LSM3: variants seen among roughly 807,000 people sequenced by gnomAD.
The protein encoded by LSM3 is U6 snRNA-associated Sm-like protein LSm3.
In LSM3, 14 loss-of-function variants were observed where a neutral mutation model predicts 15.4. The ratio of observed to expected loss-of-function variants is 0.91; its 90% CI spans 0.60 to 1.42. The LOEUF is 1.42. Ranked by LOEUF, LSM3 falls within the 40% of genes most tolerant of loss-of-function variation. The pLI is 0.00. For missense variants in LSM3, 88 were observed against 127.9 expected (o/e 0.69, Z 1.50); for synonymous variants, 46 against 45.1 (o/e 1.02, Z -0.08).
At chr3:14,180,857 T>TAAA (rs34127386) in intron 1 of LSM3, among the ~76,000 whole-genome samples, 1 of 64,832 alleles carries the variant, frequency 1.5e-5, no homozygotes, top group Non-Finnish European at 2.9e-5. Context: ...TTTTTTTTTT[T>TAAA]AAAAAAAAAA....
At chr3:14,183,342 A>G (rs1333364817) in intron 2 of LSM3, among the ~76,000 whole-genome samples, 2 of 152,220 alleles carry the variant, frequency 1.3e-5, no homozygotes, top group Non-Finnish European at 2.9e-5. Context: ...TGGATTGAAT[A>G]TCTTAGCTGT....
At chr3:14,179,649 C>T (rs539303117) in intron 1 of LSM3, among the ~76,000 whole-genome samples, 2 of 152,330 alleles carry the variant, frequency 1.3e-5, no homozygotes, top group South Asian at 2.1e-4. Flanking sequence ...AATCTCTCCC[C>T]ACTAGAATGT....
chr3:14,195,353 A>G (rs1046419355), intron 3 of LSM3, among the ~76,000 whole-genome samples: 3 of 152,098 alleles, frequency 2.0e-5, no homozygotes, highest in African/African-American at 7.2e-5. Flanking sequence ...CCCAGGAAGG[A>G]AGAAGGAATT....
At chr3:14,196,750 G>C (rs1168128646) in intron 3 of LSM3, among the ~76,000 whole-genome samples, 1 of 152,228 alleles carries the variant, frequency 6.6e-6, no homozygotes, top group Non-Finnish European at 1.5e-5. Context: ...GGGGTCCGCA[G>C]AGCTTTCAGG....
At chr3:14,181,529 A>G in intron 1 of LSM3, 31 bp from the exon 2 acceptor site, 1 of 1,371,260 alleles carries the variant, frequency 7.3e-7, no homozygotes, top group Admixed American at 1.7e-5. Flanking sequence ...TGACTCTAGT[A>G]CTACATTACT....
At chr3:14,183,548 G>T (rs1697059535) in intron 2 of LSM3, among the ~76,000 whole-genome samples, 2 of 152,182 alleles carry the variant, frequency 1.3e-5, no homozygotes. Context: ...TTGTCAGATT[G>T]TTATAGGTGA....
intron 3 of LSM3, among the ~76,000 whole-genome samples, chr3:14,186,879 T>A (rs1319205030): frequency 2.0e-5 from 3 of 152,222 alleles, no homozygotes; most frequent in Non-Finnish European, 2.9e-5. Context: ...CTTTTTCAGC[T>A]CAACTAAGCT....
intron 1 of LSM3, among the ~76,000 whole-genome samples, chr3:14,180,673 C>T (rs1697026239): frequency 6.6e-6 from 1 of 151,892 alleles, no homozygotes; most frequent in Non-Finnish European, 1.5e-5. Context: ...CTCATAAGAA[C>T]CCAGAAAGAA....
chr3:14,183,029 T>C (rs1037513278), intron 2 of LSM3, among the ~76,000 whole-genome samples: 3 of 152,254 alleles, frequency 2.0e-5, no homozygotes, highest in Non-Finnish European at 4.4e-5. Flanking sequence ...ACTTTGGGAA[T>C]ACAAATGGAA....
In LSM3 at chr3:14,185,212, C is replaced by T. The variant is rs7643230; in HGVS notation, c.228+1180C>T. 2.0e-3 allele frequency among the ~76,000 whole-genome samples: 300 copies of T among 148,332 alleles called. 1 individual carries two copies. Among genetic ancestry groups the T allele is most frequent in the African/African-American group, 7.0e-3 (281 of 40,120 alleles). On this transcript the variant is annotated intron_variant, in intron 3 of 3. Transcript: ENST00000306024. ...CTAAAAATACAAAATATTAGCCGGC[C>T]GTGGCGGCAGGCACTGGCAATCCCA...
intron 3 of LSM3, among the ~76,000 whole-genome samples, chr3:14,191,749 A>T (rs968714379): frequency 1.3e-4 from 20 of 151,300 alleles, no homozygotes; most frequent in Non-Finnish European, 2.2e-4. Context: ...TTCATTGATT[A>T]TTTTTTTAGG....
intron 3 of LSM3, among the ~76,000 whole-genome samples, chr3:14,194,674 A>G (rs941741468): frequency 5.3e-5 from 8 of 151,356 alleles, no homozygotes; most frequent in African/African-American, 9.7e-5. Context: ...CTTGTCACCT[A>G]TCAGACACAC....
chr3:14,181,716 C>A, intron 2 of LSM3, 46 bp downstream of exon 2: 1 of 1,333,786 alleles, frequency 7.5e-7, no homozygotes, highest in Non-Finnish European at 1.1e-6. Flanking sequence ...TCCTTCCTAC[C>A]CCCACTCCCT....
chr3:14,194,426 G>A (rs757610194), intron 3 of LSM3, among the ~76,000 whole-genome samples: 14 of 152,168 alleles, frequency 9.2e-5, no homozygotes, highest in Non-Finnish European at 1.8e-4. Flanking sequence ...TTTTTCTTAT[G>A]TGGGAGTATA....
At position 14,187,179 on chromosome 3, in the gene LSM3, G is replaced by C. The variant is rs1697097058; in HGVS notation, c.228+3147G>C. ...TCCAAGTGCGGTTCCTCCTGACACT[G>C]TTTGAAGGTGCTATGTGTCTGTGCA... On this transcript the variant is annotated intron_variant, in intron 3 of 3. Transcript: ENST00000306024. Among the ~76,000 whole-genome samples the C allele has an allele frequency of 2.0e-5, 3 of 152,178 alleles. No individual in the cohort carries two copies. In the South Asian group the frequency reaches 6.2e-4, roughly 32 times the overall value.
Position 14,178,866 on chromosome 3 carries a change from G to A in LSM3, c.6G>A (p.Ala2=), listed in dbSNP as rs895863824. 2.5e-6 allele frequency: 4 copies of A among 1,614,098 alleles called. No individual in the cohort carries two copies. Among genetic ancestry groups the A allele is most frequent in the African/African-American group, 1.3e-5 (1 of 74,930 alleles). The change falls in exon 1 of 4, where the codon GCG becomes GCA. Residue 2 remains alanine, a synonymous_variant. Transcript: ENST00000306024. ...AAGGGCGCAGGGTTTGAAACATGGCGGACGACGTAGACCAGGTAAGTGTAT... is the reference window on the plus strand; with the variant it reads ...AAGGGCGCAGGGTTTGAAACATGGCAGACGACGTAGACCAGGTAAGTGTAT... M[A]DDVDQQQTTN... is the part of the protein sequence containing the mutation.
At chr3:14,193,116 C>T (rs943494796) in intron 3 of LSM3, among the ~76,000 whole-genome samples, 2 of 152,150 alleles carry the variant, frequency 1.3e-5, no homozygotes, top group African/African-American at 2.4e-5. Flanking sequence ...CCACTCTCTT[C>T]TGGCTTGTAG....
At chr3:14,190,081 C>G (rs1332906819) in intron 3 of LSM3, among the ~76,000 whole-genome samples, 1 of 152,190 alleles carries the variant, frequency 6.6e-6, no homozygotes. Flanking sequence ...TTGTGTGCAT[C>G]AGGTTTGTCA....
At chr3:14,189,272 T>C (rs2125058410) in intron 3 of LSM3, among the ~76,000 whole-genome samples, 1 of 152,348 alleles carries the variant, frequency 6.6e-6, no homozygotes, top group African/African-American at 2.4e-5. Flanking sequence ...TACATATGTA[T>C]GTGTCTTTAT....
Sources: gnomAD v4.1 joint callset for allele counts (sites outside exome capture counted in the v4.1 genomes callset) on GRCh38, gnomAD v4.1.1 for gene constraint, MANE v1.5 for transcripts, NCBI Gene and HGNC (gene_info 2026-07-23, HGNC 2026-07-21) for gene names.